Variants in ZFHX4 observed in about 807,000 individuals in gnomAD.
ZFHX4 encodes zinc finger homeobox 4.
ZFHX4 carries 56 observed loss-of-function variants against 267.6 expected under a neutral mutation model. The observed-to-expected ratio is 0.21, with a 90% CI of 0.17 to 0.26. The LOEUF is 0.26. Ranked by LOEUF, ZFHX4 falls within the 10% of genes least tolerant of loss-of-function variation. The pLI is 1.00. For synonymous variants in ZFHX4, 1,778 were observed against 1,665.6 expected, an observed-to-expected ratio of 1.07 and a Z score of -1.64; for missense variants, 4,332 against 4,420.0, an observed-to-expected ratio of 0.98 and a Z score of 0.56.
chr8:76,762,640 A>G (rs1179315750), intron 3 of ZFHX4, among the ~76,000 whole-genome samples: 1 of 152,226 alleles, frequency 6.6e-6, no homozygotes, highest in African/African-American at 2.4e-5. Context: ...TACTCGTCAC[A>G]GTTCAAATAA....
At chr8:76,805,960 G>A (rs1811234596) in intron 4 of ZFHX4, among the ~76,000 whole-genome samples, 1 of 152,070 alleles carries the variant, frequency 6.6e-6, no homozygotes. Context: ...TATCAACCAT[G>A]TCTTTGATCT....
chr8:76,849,431 G>A (rs748665432), intron 7 of ZFHX4, 81 bp from the exon 8 acceptor site: 14 of 1,310,460 alleles, frequency 1.1e-5, no homozygotes, highest in East Asian at 7.0e-5. Flanking sequence ...AATATCACAC[G>A]TACCCCCAAA....
At chr8:76,847,122 A>T (rs1352732124) in intron 6 of ZFHX4, among the ~76,000 whole-genome samples, 2 of 152,188 alleles carry the variant, frequency 1.3e-5, no homozygotes, top group Non-Finnish European at 2.9e-5. Context: ...ACTTGGTTTG[A>T]CACTTTAAGC....
chr8:76,837,126 A>G (rs1225658162), intron 5 of ZFHX4, among the ~76,000 whole-genome samples: 3 of 152,118 alleles, frequency 2.0e-5, no homozygotes, highest in Non-Finnish European at 4.4e-5. Flanking sequence ...ATGATTCTGG[A>G]TGAGATCGTC....
chr8:76,849,859 A>C (rs890638994), intron 8 of ZFHX4, 147 bp downstream of exon 8: 32 of 875,882 alleles, frequency 3.7e-5, no homozygotes, highest in Middle Eastern at 3.5e-4. Flanking sequence ...GTCACACTCA[A>C]GGCCCATTTG....
intron 3 of ZFHX4, among the ~76,000 whole-genome samples, chr8:76,743,384 G>A (rs1809372863): frequency 6.6e-6 from 1 of 152,208 alleles, no homozygotes; most frequent in Admixed American, 6.5e-5. Flanking sequence ...GCTCTGCTCT[G>A]TTACAGGTTT....
chr8:76,726,195 G>A (rs1348377515), intron 3 of ZFHX4, among the ~76,000 whole-genome samples: 1 of 151,812 alleles, frequency 6.6e-6, no homozygotes, highest in Admixed American at 6.6e-5. Context: ...AATCAAAAGA[G>A]CCTATCTTTT....
intron 5 of ZFHX4, among the ~76,000 whole-genome samples, chr8:76,838,080 TAC>T: frequency 6.6e-6 from 1 of 152,218 alleles, no homozygotes; most frequent in East Asian, 1.9e-4. Flanking sequence ...AAGTGGAATT[TAC>T]ACAGTGAAGA....
intron 3 of ZFHX4, among the ~76,000 whole-genome samples, chr8:76,717,531 T>C (rs2131633271): frequency 6.6e-6 from 1 of 152,340 alleles, no homozygotes; most frequent in South Asian, 2.1e-4. Flanking sequence ...ATAACAGAAT[T>C]GTTAACAGCA....
At chr8:76,713,519 G>A (rs1217468374) in intron 3 of ZFHX4, among the ~76,000 whole-genome samples, 3 of 151,954 alleles carry the variant, frequency 2.0e-5, no homozygotes, top group African/African-American at 7.3e-5. Context: ...CTTAACCAAC[G>A]CCACCGTCTG....
chr8:76,835,960 C>A (rs534207411), intron 5 of ZFHX4, among the ~76,000 whole-genome samples: 1 of 152,216 alleles, frequency 6.6e-6, no homozygotes, highest in Non-Finnish European at 1.5e-5. Context: ...CCAAATTGAA[C>A]TTTCTTTTCT....
At position 76,854,361 on chromosome 8, in the gene ZFHX4, G is replaced by A. The variant is rs1166874280; in HGVS notation, c.7440G>A (p.Thr2480=). 4 of 1,613,638 alleles carry A rather than the reference G, an allele frequency of 2.5e-6. No homozygotes were observed. Among genetic ancestry groups the A allele is most frequent in the Non-Finnish European group, 3.4e-6 (4 of 1,179,860 alleles). Residue 2480 remains threonine, a synonymous_variant, in exon 10 of 11, where the codon ACG becomes ACA. Coordinates refer to ENST00000651372, the MANE Select transcript of ZFHX4 (RefSeq NM_024721.5). ...CCAGTCCACTGCAAATTTCCATGAC[G>A]TCTCTCCAGAACAGTCTACCTCCAC... ...VPSSPLQISM[T]SLQNSLPPQL...
In ZFHX4 at chr8:76,746,164, A is replaced by G. The variant is rs149603445; in HGVS notation, c.3094-32044A>G. ...CTCATGCCTATAATCTCAGCACTTCAGGAGGCCAAGGTAGGAGAATGACTT... is the reference window on the plus strand; with the variant it reads ...CTCATGCCTATAATCTCAGCACTTCGGGAGGCCAAGGTAGGAGAATGACTT... On this transcript the variant is annotated intron_variant, in intron 3 of 10. Transcript: ENST00000651372. Among the ~76,000 whole-genome samples the G allele has an allele frequency of 6.6e-3, 1,004 of 152,296 alleles. 19 individuals carry two copies. The highest frequency in any genetic ancestry group is 0.023 in the African/African-American group (949 of 41,548).
At chr8:76,833,933 T>G (rs1359229968) in intron 5 of ZFHX4, among the ~76,000 whole-genome samples, 1 of 152,156 alleles carries the variant, frequency 6.6e-6, no homozygotes, top group Non-Finnish European at 1.5e-5. Context: ...TCCTTTATGG[T>G]CTCTATAGTT....
rs535758180 is a variant in ZFHX4 at position 76,703,937 on chromosome 8, T to G, written c.-46-106T>G. On this transcript the variant is annotated intron_variant, in intron 1 of 10. Transcript: ENST00000651372. ...CCGGTTTTAAGTTTTTCCCCTTACCTTTTTAGATAGTCACGTTTACAGCAG... is the reference window on the plus strand; with the variant it reads ...CCGGTTTTAAGTTTTTCCCCTTACCGTTTTAGATAGTCACGTTTACAGCAG... 3.6e-6 allele frequency: 3 copies of G among 841,456 alleles called. No homozygotes were observed. In the East Asian group the frequency reaches 8.1e-5, roughly 23 times the overall value. 52.1% of individuals were successfully genotyped at this position (841,456 alleles called of 1,614,324 possible).
Position 76,863,547 on chromosome 8 carries a change from T to A in ZFHX4, c.9833T>A (p.Leu3278His). 1 of 1,613,712 alleles carries A rather than the reference T, an allele frequency of 6.2e-7. No homozygotes were observed. Among genetic ancestry groups the A allele is most frequent in the Non-Finnish European group, 8.5e-7 (1 of 1,179,802 alleles). The change falls in exon 11 of 11, where the codon CTC (leucine) becomes CAC (histidine). Residue 3278 changes from leucine to histidine, a missense_variant. Physicochemically the swap from Leu to His is moderately conservative, Grantham distance 99. Coordinates refer to ENST00000651372, the MANE Select transcript of ZFHX4 (RefSeq NM_024721.5). ...TTTGCTTCTTATTTTACACCTCAGC[T>A]CCCTGGAACAGTGCAGGGGGGATAC... ...PGFASYFTPQ[L>H]PGTVQGGYFP...
chr8:76,860,351 T>C (rs1332124722), intron 10 of ZFHX4, among the ~76,000 whole-genome samples: 1 of 152,082 alleles, frequency 6.6e-6, no homozygotes, highest in Non-Finnish European at 1.5e-5. Flanking sequence ...TATTTGGGAT[T>C]CCTATTGCAG....
intron 1 of ZFHX4, among the ~76,000 whole-genome samples, chr8:76,701,126 CTT>C (rs1174058432): frequency 6.6e-6 from 1 of 152,030 alleles, no homozygotes; most frequent in Non-Finnish European, 1.5e-5. Context: ...ATCTAAATAA[CTT>C]TTTATCTATA....
chr8:76,747,663 G>A (rs1809495235), intron 3 of ZFHX4, among the ~76,000 whole-genome samples: 1 of 152,162 alleles, frequency 6.6e-6, no homozygotes, highest in Non-Finnish European at 1.5e-5. Context: ...CAGGCACAGT[G>A]GCTCACGCCT....
Sources: allele counts gnomAD v4.1 joint callset (sites outside exome capture counted in the v4.1 genomes callset), GRCh38; gene constraint gnomAD v4.1.1; transcripts MANE v1.5; gene names NCBI Gene and HGNC (gene_info 2026-07-23, HGNC 2026-07-21).